The following PRMT8 variants were observed in gnomAD, a reference collection of about 807,000 sequenced individuals.
PRMT8 encodes protein arginine methyltransferase 8.
In PRMT8, 7 loss-of-function variants were observed where a neutral mutation model predicts 47.1. That is an observed-to-expected ratio of 0.15 (90% CI 0.08 to 0.28). The LOEUF (loss-of-function observed/expected upper bound fraction) is 0.28. Among genes scored for constraint, PRMT8 ranks in the 10% least tolerant of loss-of-function variants. The pLI is 1.00. For synonymous variants in PRMT8, 188 were observed against 186.5 expected (o/e 1.01, Z -0.07); for missense variants, 237 against 505.4 (o/e 0.47, Z 5.09).
chr12:3,434,584 T>C (rs1283540052), intron 1 of PRMT8, among the ~76,000 whole-genome samples: 3 of 152,082 alleles, frequency 2.0e-5, no homozygotes, highest in Non-Finnish European at 4.4e-5. Flanking sequence ...CCTCTCACAA[T>C]GGGACATGGC....
chr12:3,491,138 G>A (rs1865388148), upstream of PRMT8: 2 of 985,700 alleles, frequency 2.0e-6, no homozygotes, highest in African/African-American at 1.7e-5. Flanking sequence ...CGGCTCCAGC[G>A]AACCTCCTAC....
intron 1 of PRMT8, among the ~76,000 whole-genome samples, chr12:3,396,516 T>C (rs2137048277): frequency 6.6e-6 from 1 of 152,356 alleles, no homozygotes; most frequent in East Asian, 1.9e-4. Flanking sequence ...AAAATTCTTT[T>C]CTTTGAGAAC....
Position 3,508,098 on chromosome 12 carries a change from A to G in PRMT8, c.75+16398A>G, listed in dbSNP as rs1865657667. Among the ~76,000 whole-genome samples the G allele has an allele frequency of 6.6e-6, 1 of 152,218 alleles. No homozygotes were observed. Among genetic ancestry groups the G allele is most frequent in the Non-Finnish European group, 1.5e-5 (1 of 68,044 alleles). On this transcript the variant is annotated intron_variant, in intron 1 of 9. Transcript: ENST00000382622. This position sits in a 1 kb window ranked among gnomAD's most constrained non-coding sequence, Gnocchi z 4.9. ...TACATTTGATAATGGGATACGACAT[A>G]AAGCTGGTAGATGTTTTCTTCTTTT...
intron 1 of PRMT8, among the ~76,000 whole-genome samples, chr12:3,441,211 A>G (rs1402983214): frequency 6.6e-6 from 1 of 152,156 alleles, no homozygotes; most frequent in East Asian, 1.9e-4. Flanking sequence ...TTTTTATATA[A>G]TTAATCACTA....
chr12:3,477,255 G>A (rs1865223031), intron 1 of PRMT8, among the ~76,000 whole-genome samples: 1 of 152,238 alleles, frequency 6.6e-6, no homozygotes, highest in South Asian at 2.1e-4. Flanking sequence ...GAACTGAGAG[G>A]TGTTCATTCA....
At chr12:3,533,056 G>A (rs1339555168) in intron 1 of PRMT8, among the ~76,000 whole-genome samples, 1 of 152,210 alleles carries the variant, frequency 6.6e-6, no homozygotes, top group Non-Finnish European at 1.5e-5. Context: ...TCTAAGGTAA[G>A]AAAACCCTAT....
chr12:3,409,240 T>C lies in PRMT8; in HGVS notation c.48+27798T>C, dbSNP rs1319844441. 6.6e-6 allele frequency among the ~76,000 whole-genome samples: 1 copy of C among 152,002 alleles called. No homozygotes were observed. Among genetic ancestry groups the C allele is most frequent in the Non-Finnish European group, 1.5e-5 (1 of 67,978 alleles). On this transcript the variant is annotated intron_variant, in intron 1 of 9. Transcript: ENST00000452611. This position sits in a 1 kb window ranked among gnomAD's most constrained non-coding sequence, Gnocchi z 4.4. ...CCTGCTGGATTTTTAACTATGACCC[T>C]GACTCTGGGGTGCAGGGCACAGCAC...
chr12:3,547,621 A>G (rs1277684711), intron 2 of PRMT8, among the ~76,000 whole-genome samples: 1 of 152,202 alleles, frequency 6.6e-6, no homozygotes, highest in Admixed American at 6.5e-5. Flanking sequence ...CTACCCCCAA[A>G]ATACAAAAAT....
intron 1 of PRMT8, among the ~76,000 whole-genome samples, chr12:3,403,682 C>A (rs1313082448): frequency 2.6e-5 from 4 of 151,730 alleles, no homozygotes; most frequent in African/African-American, 9.7e-5. Flanking sequence ...AGCTTGAGAC[C>A]AACCTAGCCA....
chr12:3,587,086 G>A (rs544011502), intron 8 of PRMT8, among the ~76,000 whole-genome samples: 1 of 152,040 alleles, frequency 6.6e-6, no homozygotes, highest in African/African-American at 2.4e-5. Flanking sequence ...GATCTCAGAT[G>A]CACAGACTTA....
At chr12:3,447,551 C>T (rs901944775) in intron 1 of PRMT8, among the ~76,000 whole-genome samples, 6 of 152,140 alleles carry the variant, frequency 3.9e-5, no homozygotes, top group African/African-American at 1.4e-4. Context: ...GCAGCACAGA[C>T]ATCTCTTTCT....
intron 1 of PRMT8, among the ~76,000 whole-genome samples, chr12:3,454,034 G>C (rs1010111575): frequency 6.6e-6 from 1 of 152,164 alleles, no homozygotes; most frequent in Non-Finnish European, 1.5e-5. Flanking sequence ...AGCAATGCGG[G>C]CGTCAGCCTA....
chr12:3,422,624 C>T (rs1426056330), intron 1 of PRMT8, among the ~76,000 whole-genome samples: 2 of 152,194 alleles, frequency 1.3e-5, no homozygotes, highest in East Asian at 3.9e-4. Context: ...CAGAACAGAA[C>T]AGAACAGAAG....
chr12:3,446,652 G>T lies in PRMT8; in HGVS notation c.48+65210G>T, dbSNP rs926818098. The stretch of plus-strand genomic sequence containing the variant: ...TTTCTTCTGCCATCCACCAATGCCT[G>T]TTGGAAAGGCCAACTTCTCCCTGGG... On this transcript the variant is annotated intron_variant, in intron 1 of 9. Coordinates refer to the PRMT8 transcript ENST00000452611. Among the ~76,000 whole-genome samples the T allele has an allele frequency of 2.4e-4, 37 of 152,202 alleles. 1 individual carries two copies. The highest frequency in any genetic ancestry group is 8.2e-4 in the African/African-American group (34 of 41,456).
rs950985698 is a variant in PRMT8 at position 3,453,248 on chromosome 12, C to G, written c.48+71806C>G. Among the ~76,000 whole-genome samples the G allele has an allele frequency of 1.1e-4, 17 of 152,140 alleles. No homozygotes were observed. Among genetic ancestry groups the G allele is most frequent in the African/African-American group, 4.1e-4 (17 of 41,410 alleles). ...CGGTTCCTTCCCTCCCCACGCCCCT[C>G]GCTCACTCTAGTCCTGGCTCCCTTT... On this transcript the variant is annotated intron_variant, in intron 1 of 9. Coordinates refer to the PRMT8 transcript ENST00000452611. This position sits in a 1 kb window ranked among gnomAD's most constrained non-coding sequence, Gnocchi z 4.9.
intron 7 of PRMT8, among the ~76,000 whole-genome samples, chr12:3,582,569 C>G (rs1424105008): frequency 6.6e-6 from 1 of 152,110 alleles, no homozygotes; most frequent in African/African-American, 2.4e-5. Flanking sequence ...CACTGGAGGG[C>G]CTGATAAAAC....
In PRMT8 at chr12:3,570,924, A is replaced by C. The variant is rs868041595; in HGVS notation, c.712+1360A>C. On this transcript the variant is annotated intron_variant, in intron 6 of 9. Coordinates refer to ENST00000382622, the MANE Select transcript of PRMT8 (RefSeq NM_019854.5). This position sits in a 1 kb window ranked among gnomAD's most constrained non-coding sequence, Gnocchi z 5.5. ...AGGACAGTGAGAGGCAGGGGGGCCC[A>C]GGTTAAATGCTTTGCACACTGCCAG... Among the ~76,000 whole-genome samples the C allele has an allele frequency of 2.7e-4, 41 of 152,322 alleles. No homozygotes were observed. Among genetic ancestry groups the C allele is most frequent in the African/African-American group, 5.5e-4 (23 of 41,578 alleles).
Position 3,576,497 on chromosome 12 carries a change from G to C in PRMT8, c.713-374G>C, listed in dbSNP as rs1016594825. ...CATAGGAATGGGAACGTAGAAGACA[G>C]ATAAGGGAGTTCATAGGAGACGCTG... On this transcript the variant is annotated intron_variant, in intron 6 of 9. Transcript: ENST00000382622. The surrounding 1 kb of genome is among the most constrained non-coding windows in gnomAD (Gnocchi z 4.0). Among the ~76,000 whole-genome samples, 1 of 152,196 alleles carries C rather than the reference G, an allele frequency of 6.6e-6. No individual in the cohort carries two copies. Among genetic ancestry groups the C allele is most frequent in the East Asian group, 1.9e-4 (1 of 5,184 alleles).
At position 3,478,664 on chromosome 12, in the gene PRMT8, A is replaced by G. The variant is rs117136579; in HGVS notation, c.49-61942A>G. On this transcript the variant is annotated intron_variant, in intron 1 of 9. Transcript: ENST00000452611. ...ATCTGAATTTTCCTAATATTTCAGA[A>G]GGGTTAAAAAGTTGAAGTCAGGAGC... Among the ~76,000 whole-genome samples the G allele has an allele frequency of 8.1e-3, 1,237 of 152,338 alleles. 8 individuals carry two copies. The highest frequency in any genetic ancestry group is 0.012 in the Non-Finnish European group (849 of 68,032).
Sources: gnomAD v4.1 joint callset for allele counts (sites outside exome capture counted in the v4.1 genomes callset) on GRCh38, gnomAD v4.1.1 for gene constraint, Gnocchi (gnomAD v3.1) non-coding constraint, MANE v1.5 for transcripts, NCBI Gene and HGNC (gene_info 2026-07-23, HGNC 2026-07-21) for gene names.